Variants in NLGN1 observed in about 807,000 individuals in gnomAD.
NLGN1 encodes neuroligin 1.
A neutral mutation model predicts 65.5 loss-of-function variants in NLGN1; 12 were observed. The ratio of observed to expected loss-of-function variants is 0.18; its 90% CI spans 0.12 to 0.30. NLGN1 has a LOEUF of 0.30. Ranked by LOEUF, NLGN1 falls within the 10% of genes least tolerant of loss-of-function variation. The pLI, the probability that NLGN1 is intolerant of heterozygous loss-of-function variation, is 1.00. For synonymous variants in NLGN1, 350 were observed against 359.5 expected, an observed-to-expected ratio of 0.97 and a Z score of 0.30; for missense variants, 750 against 1,007.1, an observed-to-expected ratio of 0.74 and a Z score of 3.46.
chr3:174,128,423 C>T (rs748229080), intron 4 of NLGN1, among the ~76,000 whole-genome samples: 21 of 152,178 alleles, frequency 1.4e-4, no homozygotes, highest in South Asian at 8.3e-4. Flanking sequence ...TAAATTTTAA[C>T]GTTTTCTGAA....
At chr3:174,228,220 C>A (rs1237154609) in intron 4 of NLGN1, among the ~76,000 whole-genome samples, 1 of 151,990 alleles carries the variant, frequency 6.6e-6, no homozygotes, top group African/African-American at 2.4e-5. Flanking sequence ...ACTGCTGTTA[C>A]AAATAAACAA....
At chr3:174,266,575 G>A (rs1286266513) in intron 4 of NLGN1, among the ~76,000 whole-genome samples, 2 of 152,124 alleles carry the variant, frequency 1.3e-5, no homozygotes, top group East Asian at 1.9e-4. Flanking sequence ...TATATACCCG[G>A]TAGTGGGATT....
In NLGN1 at chr3:173,886,153, G is replaced by A. The variant is rs142809097; in HGVS notation, c.646+78321G>A. On this transcript the variant is annotated intron_variant, in intron 4 of 6. Transcript: ENST00000457714. Reference sequence around the variant, plus strand: ...GTCATTAGGACCATGTAAGATCGTGGCAACATGTGTACTGTTCAATGAAAA... The same window carrying A: ...GTCATTAGGACCATGTAAGATCGTGACAACATGTGTACTGTTCAATGAAAA... Among the ~76,000 whole-genome samples the A allele has an allele frequency of 6.2e-3, 936 of 152,150 alleles. 8 individuals carry two copies. Among genetic ancestry groups the A allele is most frequent in the Non-Finnish European group, 0.01 (709 of 67,962 alleles).
chr3:173,739,729 A>G (rs1774342469), intron 3 of NLGN1, among the ~76,000 whole-genome samples: 3 of 152,114 alleles, frequency 2.0e-5, no homozygotes. Flanking sequence ...TTCGTGCCTT[A>G]TTTAAAATAA....
At chr3:173,603,903 C>T (rs945617005) in intron 2 of NLGN1, among the ~76,000 whole-genome samples, 2 of 152,018 alleles carry the variant, frequency 1.3e-5, no homozygotes, top group African/African-American at 4.8e-5. Context: ...ATATTTTCTG[C>T]TATTGGGTTT....
intron 2 of NLGN1, among the ~76,000 whole-genome samples, chr3:173,601,748 TGAC>T (rs1750577564): frequency 6.6e-6 from 1 of 151,998 alleles, no homozygotes; most frequent in African/African-American, 2.4e-5. Flanking sequence ...TTTTGTGTAA[TGAC>T]GTAAGAGAAA....
chr3:173,751,127 A>G (rs1015632700), intron 3 of NLGN1, among the ~76,000 whole-genome samples: 2 of 152,084 alleles, frequency 1.3e-5, no homozygotes, highest in African/African-American at 4.8e-5. Flanking sequence ...TATAGCTTCA[A>G]GTTTTGAATT....
chr3:174,063,477 AT>A (rs1177201777), intron 4 of NLGN1, among the ~76,000 whole-genome samples: 5 of 152,122 alleles, frequency 3.3e-5, no homozygotes, highest in South Asian at 2.1e-4. Flanking sequence ...TTATTTTCTT[AT>A]TTTTTTAGGT....
chr3:173,845,392 G>A (rs1725532871), intron 4 of NLGN1, among the ~76,000 whole-genome samples: 1 of 152,134 alleles, frequency 6.6e-6, no homozygotes, highest in Non-Finnish European at 1.5e-5. Context: ...GAGCATCTGA[G>A]TGAATGATCC....
chr3:173,702,411 G>GCC (rs10680281), intron 3 of NLGN1, among the ~76,000 whole-genome samples: 77,650 of 151,772 alleles, frequency 0.51, 20,874 homozygotes, highest in African/African-American at 0.69. Flanking sequence ...CATGGCCCTT[G>GCC]CTCATGGTGC....
At chr3:173,477,168 G>T (rs918201385) in intron 2 of NLGN1, among the ~76,000 whole-genome samples, 4 of 152,262 alleles carry the variant, frequency 2.6e-5, no homozygotes, top group Non-Finnish European at 5.9e-5. Context: ...ATGTAAGTGG[G>T]TGTCAATGCA....
At chr3:174,024,741 T>C (rs1335446975) in intron 4 of NLGN1, among the ~76,000 whole-genome samples, 1 of 152,190 alleles carries the variant, frequency 6.6e-6, no homozygotes, top group East Asian at 1.9e-4. Flanking sequence ...CAGTCTTTCA[T>C]AAACACCAGC....
intron 4 of NLGN1, among the ~76,000 whole-genome samples, chr3:174,205,708 A>G (rs1735270180): frequency 1.3e-5 from 2 of 152,214 alleles, no homozygotes; most frequent in South Asian, 4.1e-4. Context: ...AAAAGGAAAT[A>G]CCTAGACAGA....
intron 4 of NLGN1, among the ~76,000 whole-genome samples, chr3:174,234,473 G>C (rs753624292): frequency 3.7e-4 from 56 of 152,104 alleles, no homozygotes; most frequent in Admixed American, 9.8e-4. Flanking sequence ...TTACCATCCA[G>C]ATGTTCCAAG....
intron 2 of NLGN1, among the ~76,000 whole-genome samples, chr3:173,504,215 C>T (rs75736730): frequency 0.017 from 2,551 of 152,114 alleles, 91 homozygotes; most frequent in African/African-American, 0.058. Flanking sequence ...TGTTTATCTG[C>T]AGGCTATAGG....
At chr3:173,598,769 A>G (rs970777209) in intron 2 of NLGN1, among the ~76,000 whole-genome samples, 1 of 152,160 alleles carries the variant, frequency 6.6e-6, no homozygotes, top group Non-Finnish European at 1.5e-5. Context: ...CTTTGAGATG[A>G]AGGTTTGTCT....
intron 4 of NLGN1, among the ~76,000 whole-genome samples, chr3:174,190,355 A>G (rs1732160441): frequency 6.6e-6 from 1 of 152,048 alleles, no homozygotes; most frequent in African/African-American, 2.4e-5. Context: ...GTTTTAGGAA[A>G]GGTGAAAAAA....
chr3:173,606,194 G>A (rs745607060), intron 3 of NLGN1, among the ~76,000 whole-genome samples: 1 of 151,948 alleles, frequency 6.6e-6, no homozygotes, highest in Non-Finnish European at 1.5e-5. Context: ...AATATTTACA[G>A]TCTTAAAATT....
At chr3:173,850,777 C>T (rs1182677888) in intron 4 of NLGN1, among the ~76,000 whole-genome samples, 4 of 152,122 alleles carry the variant, frequency 2.6e-5, no homozygotes, top group East Asian at 1.9e-4. Context: ...CACTCTGTCA[C>T]CCAGGCTAGA....
Sources: allele counts gnomAD v4.1 joint callset (sites outside exome capture counted in the v4.1 genomes callset), GRCh38; gene constraint gnomAD v4.1.1; transcripts MANE v1.5; gene names NCBI Gene and HGNC (gene_info 2026-07-23, HGNC 2026-07-21).